Variants in FRMD5 observed in about 807,000 individuals in gnomAD.
The protein encoded by FRMD5 is FERM domain containing 5.
In FRMD5, 20 loss-of-function variants were observed where a neutral mutation model predicts 69.0. That is an observed-to-expected ratio of 0.29 (90% CI 0.20 to 0.42). The LOEUF is 0.42. FRMD5 is among the 10% of genes least tolerant of loss of function. FRMD5 has a pLI of 1.00. For synonymous variants in FRMD5, 271 were observed against 260.1 expected (o/e 1.04, Z -0.40); for missense variants, 595 against 708.6 (o/e 0.84, Z 1.82).
At chr15:43,985,469 T>G (rs1889351333) in intron 1 of FRMD5, among the ~76,000 whole-genome samples, 1 of 152,068 alleles carries the variant, frequency 6.6e-6, no homozygotes, top group Non-Finnish European at 1.5e-5. Flanking sequence ...CTTCTAGTAG[T>G]CTATAGTAAG....
intron 1 of FRMD5, among the ~76,000 whole-genome samples, chr15:44,094,268 A>T (rs1024988460): frequency 6.6e-6 from 1 of 152,214 alleles, no homozygotes; most frequent in Non-Finnish European, 1.5e-5. Flanking sequence ...AGATATGCAA[A>T]CAAAAGCAGA....
At chr15:43,950,651 C>A (rs539996076) in intron 1 of FRMD5, among the ~76,000 whole-genome samples, 50 of 152,124 alleles carry the variant, frequency 3.3e-4, no homozygotes, top group Non-Finnish European at 6.3e-4. Context: ...GGATCTGAGT[C>A]CCCAGAGTGA....
chr15:44,034,072 G>T (rs1891805127), intron 1 of FRMD5, among the ~76,000 whole-genome samples: 1 of 152,148 alleles, frequency 6.6e-6, no homozygotes, highest in African/African-American at 2.4e-5. Flanking sequence ...CCAGTCACAT[G>T]GGGTTCTGGA....
At chr15:44,077,609 T>C (rs1893822993) in intron 1 of FRMD5, among the ~76,000 whole-genome samples, 1 of 152,002 alleles carries the variant, frequency 6.6e-6, no homozygotes, top group South Asian at 2.1e-4. Flanking sequence ...TAAAAATGAG[T>C]GAATCCAGAA....
At chr15:44,163,392 T>C (rs529466842) in intron 1 of FRMD5, among the ~76,000 whole-genome samples, 1 of 152,330 alleles carries the variant, frequency 6.6e-6, no homozygotes, top group South Asian at 2.1e-4. Context: ...TGTACATAAC[T>C]AGTGCCTGGA....
At chr15:43,938,094 G>A (rs927294009) in intron 1 of FRMD5, among the ~76,000 whole-genome samples, 3 of 152,128 alleles carry the variant, frequency 2.0e-5, no homozygotes, top group Admixed American at 6.5e-5. Context: ...AGCCGGGTGC[G>A]GTGGCGGGCG....
intron 1 of FRMD5, among the ~76,000 whole-genome samples, chr15:43,994,042 T>C (rs1315153365): frequency 6.6e-6 from 1 of 152,224 alleles, no homozygotes; most frequent in African/African-American, 2.4e-5. Flanking sequence ...AACCATTCCA[T>C]GCCTTCTGAT....
intron 1 of FRMD5, chr15:44,063,671 G>A: frequency 2.4e-6 from 1 of 410,842 alleles, no homozygotes; most frequent in Non-Finnish European, 4.7e-6. Flanking sequence ...TCCACCCATA[G>A]CAAGTTCCAC....
intron 1 of FRMD5, among the ~76,000 whole-genome samples, chr15:44,000,969 A>G (rs992033742): frequency 7.2e-5 from 11 of 152,158 alleles, no homozygotes; most frequent in African/African-American, 2.4e-4. Flanking sequence ...GCGAGCCACC[A>G]TGCCCAGCCT....
intron 1 of FRMD5, among the ~76,000 whole-genome samples, chr15:44,125,756 C>T (rs951088512): frequency 1.3e-5 from 2 of 152,184 alleles, no homozygotes; most frequent in African/African-American, 4.8e-5. Context: ...TTTATGACCT[C>T]TTGTGGTATT....
chr15:43,982,976 G>C (rs2090571185), intron 1 of FRMD5, among the ~76,000 whole-genome samples: 1 of 152,094 alleles, frequency 6.6e-6, no homozygotes, highest in African/African-American at 2.4e-5. Context: ...TGTCACCCAG[G>C]CTGGAGTACA....
At chr15:43,960,243 C>T (rs2090176526) in intron 1 of FRMD5, among the ~76,000 whole-genome samples, 1 of 152,008 alleles carries the variant, frequency 6.6e-6, no homozygotes, top group Admixed American at 6.6e-5. Context: ...CGCCCACCAC[C>T]ACACCCGGCT....
intron 1 of FRMD5, among the ~76,000 whole-genome samples, chr15:44,064,801 T>C (rs1247433732): frequency 2.6e-5 from 4 of 152,194 alleles, no homozygotes; most frequent in Non-Finnish European, 4.4e-5. Flanking sequence ...AATTTAAAGA[T>C]CACTGAAAAA....
At chr15:43,894,229 G>A (rs2088861589) in intron 7 of FRMD5, among the ~76,000 whole-genome samples, 1 of 152,156 alleles carries the variant, frequency 6.6e-6, no homozygotes, top group Admixed American at 6.5e-5. Flanking sequence ...GTCAGGGAAG[G>A]GTGGCCTTGA....
chr15:44,084,501 A>C (rs1894114628), intron 1 of FRMD5, among the ~76,000 whole-genome samples: 1 of 152,100 alleles, frequency 6.6e-6, no homozygotes, highest in African/African-American at 2.4e-5. Flanking sequence ...AATTCTTCTG[A>C]TATGAATTCA....
chr15:44,011,398 T>C (rs544294137), intron 1 of FRMD5, among the ~76,000 whole-genome samples: 2 of 152,260 alleles, frequency 1.3e-5, no homozygotes, highest in South Asian at 4.2e-4. Flanking sequence ...TGGGGATCAC[T>C]AAGAGGGAAG....
At chr15:43,928,787 T>C (rs1371948930) in intron 1 of FRMD5, among the ~76,000 whole-genome samples, 1 of 152,198 alleles carries the variant, frequency 6.6e-6, no homozygotes, top group Non-Finnish European at 1.5e-5. Context: ...TGCCATTGAT[T>C]ATACCGGAGA....
intron 1 of FRMD5, among the ~76,000 whole-genome samples, chr15:44,000,516 G>A (rs1329280013): frequency 6.6e-6 from 1 of 151,256 alleles, no homozygotes; most frequent in Non-Finnish European, 1.5e-5. Flanking sequence ...CTGGAGTGCA[G>A]TGTCACAATC....
chr15:44,105,513 GTTC>G (rs1379668018), intron 1 of FRMD5, among the ~76,000 whole-genome samples: 1 of 152,120 alleles, frequency 6.6e-6, no homozygotes, highest in Non-Finnish European at 1.5e-5. Flanking sequence ...ATACATTTCT[GTTC>G]TTCATTTTTT....
Sources: gnomAD v4.1 joint callset for allele counts (sites outside exome capture counted in the v4.1 genomes callset) on GRCh38, gnomAD v4.1.1 for gene constraint, MANE v1.5 for transcripts, NCBI Gene and HGNC (gene_info 2026-07-23, HGNC 2026-07-21) for gene names.